Variants in IKZF1 observed in about 807,000 individuals in gnomAD.
IKZF1 encodes IKAROS family zinc finger 1.
In IKZF1, 10 loss-of-function variants were observed where a neutral mutation model predicts 51.7. The observed-to-expected ratio is 0.19, with a 90% CI of 0.12 to 0.33. IKZF1 has a LOEUF of 0.33. Among genes scored for constraint, IKZF1 ranks in the 10% least tolerant of loss-of-function variants. The probability of loss-of-function intolerance (pLI) is 1.00; values close to 1 mark genes in which losing one functional copy is unlikely to be tolerated. For missense variants in IKZF1, 484 were observed against 707.5 expected, an observed-to-expected ratio of 0.68 and a Z score of 3.58; for synonymous variants, 280 against 282.3, an observed-to-expected ratio of 0.99 and a Z score of 0.08.
intron 2 of IKZF1, among the ~76,000 whole-genome samples, chr7:50,319,421 T>C (rs1792524758): frequency 6.6e-6 from 1 of 152,098 alleles, no homozygotes; most frequent in South Asian, 2.1e-4. Context: ...CCAATGATGG[T>C]ACTTAAAGAG....
At chr7:50,356,976 T>C in intron 3 of IKZF1, among the ~76,000 whole-genome samples, 1 of 151,180 alleles carries the variant, frequency 6.6e-6, no homozygotes, top group South Asian at 2.1e-4. Context: ...GGGCTGGTGG[T>C]GCTCTAAAAC....
intron 7 of IKZF1, among the ~76,000 whole-genome samples, chr7:50,392,068 A>G (rs990570199): frequency 7.9e-5 from 12 of 152,170 alleles, no homozygotes; most frequent in African/African-American, 2.7e-4. Flanking sequence ...AGTTTTTCCT[A>G]GATTTGATTT....
intron 7 of IKZF1, 138 bp downstream of exon 7, chr7:50,392,001 C>A: frequency 8.2e-7 from 1 of 1,222,762 alleles, no homozygotes; most frequent in Non-Finnish European, 1.1e-6. Context: ...CTTAACATTC[C>A]TTAAATATCT....
chr7:50,327,944 G>A, intron 3 of IKZF1, 187 bp downstream of exon 3: 1 of 657,028 alleles, frequency 1.5e-6, no homozygotes, highest in Non-Finnish European at 2.5e-6. Context: ...GACACTCACA[G>A]GCCAGCATGG....
chr7:50,357,704 CTGATGTGTAGTG>C (rs1045315088), intron 3 of IKZF1, among the ~76,000 whole-genome samples: 56 of 152,290 alleles, frequency 3.7e-4, no homozygotes, highest in African/African-American at 1.3e-3. Flanking sequence ...ATGGTCCTCC[CTGATGTGTAGTG>C]TGGGCTATTC....
chr7:50,304,498 C>G (rs1004295093), upstream of IKZF1: 1 of 150,222 alleles, frequency 6.7e-6, no homozygotes, highest in Non-Finnish European at 1.5e-5. Context: ...AACGCAAGGG[C>G]GCGGCGGGGG....
At chr7:50,311,331 TAG>T (rs1790118898) in intron 1 of IKZF1, among the ~76,000 whole-genome samples, 1 of 152,242 alleles carries the variant, frequency 6.6e-6, no homozygotes, top group East Asian at 1.9e-4. Flanking sequence ...GTGTTTACTC[TAG>T]AACACATGTT....
At chr7:50,352,761 T>C (rs1802184766) in intron 3 of IKZF1, among the ~76,000 whole-genome samples, 1 of 152,252 alleles carries the variant, frequency 6.6e-6, no homozygotes, top group Non-Finnish European at 1.5e-5. Context: ...CAAGTTGAAA[T>C]CAAATACTAA....
chr7:50,372,601 A>C (rs931601349), intron 3 of IKZF1, among the ~76,000 whole-genome samples: 1 of 152,200 alleles, frequency 6.6e-6, no homozygotes, highest in Non-Finnish European at 1.5e-5. Context: ...TATTGTCTGC[A>C]TACTCTTTTT....
intron 1 of IKZF1, among the ~76,000 whole-genome samples, chr7:50,311,631 A>G (rs1353865969): frequency 6.6e-6 from 1 of 152,246 alleles, no homozygotes; most frequent in Non-Finnish European, 1.5e-5. Context: ...TAGAAGTCAA[A>G]TGGCTTTGCA....
At chr7:50,349,191 A>T (rs975286080) in intron 3 of IKZF1, among the ~76,000 whole-genome samples, 4 of 152,218 alleles carry the variant, frequency 2.6e-5, no homozygotes, top group African/African-American at 9.6e-5. Flanking sequence ...CCAAAAGATC[A>T]ACTATTAGCT....
At chr7:50,312,996 A>G (rs1219052364) in intron 1 of IKZF1, among the ~76,000 whole-genome samples, 2 of 152,366 alleles carry the variant, frequency 1.3e-5, no homozygotes, top group Non-Finnish European at 2.9e-5. Flanking sequence ...AGAATCAGAA[A>G]TGAAATAAGA....
At chr7:50,378,251 A>T (rs943960438) in intron 4 of IKZF1, among the ~76,000 whole-genome samples, 9 of 152,230 alleles carry the variant, frequency 5.9e-5, no homozygotes, top group Admixed American at 5.9e-4. Context: ...ATAAAAATTC[A>T]ACTTCTAAAA....
chr7:50,385,951 C>CT (rs1357626840), intron 5 of IKZF1, among the ~76,000 whole-genome samples: 2 of 152,168 alleles, frequency 1.3e-5, no homozygotes, highest in African/African-American at 4.8e-5. Flanking sequence ...CTTACTGTAG[C>CT]TTCTGTTCAC....
intron 3 of IKZF1, among the ~76,000 whole-genome samples, chr7:50,344,773 A>T (rs1562786267): frequency 6.6e-6 from 1 of 152,156 alleles, no homozygotes; most frequent in Non-Finnish European, 1.5e-5. Flanking sequence ...TATTGTGATG[A>T]TACCTTTTTA....
At chr7:50,379,418 C>T (rs961980996) in intron 4 of IKZF1, among the ~76,000 whole-genome samples, 4 of 152,190 alleles carry the variant, frequency 2.6e-5, no homozygotes, top group East Asian at 1.9e-4. Context: ...GTACCACTGG[C>T]GCCATTTTCT....
chr7:50,333,268 A>G (rs1342047142), intron 3 of IKZF1, among the ~76,000 whole-genome samples: 5 of 145,970 alleles, frequency 3.4e-5, no homozygotes, highest in African/African-American at 1.3e-4. Context: ...TAAATTGGCT[A>G]TTCTGGTGCC....
rs376443650 is a variant in IKZF1 at position 50,391,681 on chromosome 7, C to T, written c.716-48C>T. 1.3e-3 allele frequency: 2,063 copies of T among 1,608,490 alleles called. 3 individuals carry two copies. The highest frequency in any genetic ancestry group is 1.6e-3 in the Non-Finnish European group (1,897 of 1,177,118). On this transcript the variant is annotated intron_variant, in intron 6 of 7. Coordinates refer to ENST00000331340, the MANE Select transcript of IKZF1 (RefSeq NM_006060.6). ...ATTTAACATTGGACGCGACTGAACCCTTTAAACATAAGCCTTTCTAAACTG... is the reference window on the plus strand; with the variant it reads ...ATTTAACATTGGACGCGACTGAACCTTTTAAACATAAGCCTTTCTAAACTG...
At position 50,400,896 on chromosome 7, in the gene IKZF1, T is replaced by G; in HGVS notation, c.*269T>G. 2.0e-6 allele frequency: 1 copy of G among 508,632 alleles called. No homozygotes were observed. The allele number at this position is 508,632 out of a possible 1,614,324, so 31.5% of individuals were successfully genotyped here. A position where few individuals can be genotyped will look rare whatever the true frequency, so the allele number is the denominator to read the frequency against. ...GTTTCCCCAGACCGCTGGCTGAGAT[T>G]CCCTCACCTGTCGCTTCCTAGAATC... On this transcript the variant is annotated 3_prime_UTR_variant, in exon 8 of 8. Coordinates refer to ENST00000331340, the MANE Select transcript of IKZF1 (RefSeq NM_006060.6). The surrounding 1 kb of genome is among the most constrained non-coding windows in gnomAD (Gnocchi z 5.4).
Sources: allele counts gnomAD v4.1 joint callset (sites outside exome capture counted in the v4.1 genomes callset), GRCh38; gene constraint gnomAD v4.1.1; non-coding constraint Gnocchi (gnomAD v3.1); transcripts MANE v1.5; gene names NCBI Gene and HGNC (gene_info 2026-07-23, HGNC 2026-07-21).